Variants in RASGRF2 observed in about 807,000 individuals in gnomAD.
The protein encoded by RASGRF2 is ras-specific guanine nucleotide-releasing factor 2.
Under a neutral mutation model 151.0 loss-of-function variants are expected in RASGRF2, and 76 were observed. The observed-to-expected ratio is 0.50, with a 90% CI of 0.42 to 0.61. The LOEUF (loss-of-function observed/expected upper bound fraction) is 0.61, where lower values mean the gene tolerates loss of function less well. Ranked by LOEUF, RASGRF2 falls within the 20% of genes least tolerant of loss-of-function variation. The pLI, the probability that RASGRF2 is intolerant of heterozygous loss-of-function variation, is 0.00. For missense variants in RASGRF2, 1,148 were observed against 1,564.6 expected (o/e 0.73, Z 4.49); for synonymous variants, 504 against 566.5 (o/e 0.89, Z 1.57).
chr5:81,205,361 C>T (rs765324006), intron 19 of RASGRF2, among the ~76,000 whole-genome samples: 2 of 152,198 alleles, frequency 1.3e-5, no homozygotes, highest in African/African-American at 4.8e-5. Flanking sequence ...CCCTGAGCAA[C>T]TTAGTCAGTG....
chr5:81,061,704 C>T (rs940030976), intron 2 of RASGRF2, among the ~76,000 whole-genome samples: 4 of 151,522 alleles, frequency 2.6e-5, no homozygotes, highest in African/African-American at 9.7e-5. Context: ...TCCTTCCTTT[C>T]TGAGATAGGG....
chr5:81,195,572 A>G (rs1755245804), intron 18 of RASGRF2, among the ~76,000 whole-genome samples: 1 of 122,594 alleles, frequency 8.2e-6, no homozygotes, highest in Non-Finnish European at 1.7e-5. Context: ...TTTTTTTGTG[A>G]CCTTTTTTTT....
chr5:81,196,249 C>G (rs750998584), intron 18 of RASGRF2, among the ~76,000 whole-genome samples: 1 of 152,176 alleles, frequency 6.6e-6, no homozygotes, highest in East Asian at 1.9e-4. Flanking sequence ...GAGTGAAACT[C>G]TGTCTCAAAA....
In RASGRF2 at chr5:81,091,552, G is replaced by A. The variant is rs185163766; in HGVS notation, c.1391-1249G>A. The stretch of plus-strand genomic sequence containing the variant: ...ATAGACAGTGTGAGATCCAGGCGTG[G>A]AAACTTGGGTCTCTTGCCACCCTGT... On this transcript the variant is annotated intron_variant, in intron 9 of 26. Transcript: ENST00000265080. Among the ~76,000 whole-genome samples, 18 of 152,260 alleles carry A rather than the reference G, an allele frequency of 1.2e-4. No homozygotes were observed. In the East Asian group the frequency reaches 3.5e-3, roughly 29 times the overall value.
At position 81,122,912 on chromosome 5, in the gene RASGRF2, C is replaced by T. The variant is rs1753347581; in HGVS notation, c.2471-730C>T. On this transcript the variant is annotated intron_variant, in intron 15 of 26. Coordinates refer to ENST00000265080, the MANE Select transcript of RASGRF2 (RefSeq NM_006909.3). Reference sequence around the variant, plus strand: ...AGAAGCTCAAATGACCTTAAACCCTCCCAATGGTTCATTTAAAAGATTTTC... The same window carrying T: ...AGAAGCTCAAATGACCTTAAACCCTTCCAATGGTTCATTTAAAAGATTTTC... Among the ~76,000 whole-genome samples, 5 of 152,106 alleles carry T rather than the reference C, an allele frequency of 3.3e-5. No individual in the cohort carries two copies. The South Asian group carries it at 1.0e-3, about 32-fold the overall frequency.
At chr5:81,060,275 G>A (rs146958109) in intron 2 of RASGRF2, among the ~76,000 whole-genome samples, 1 of 152,248 alleles carries the variant, frequency 6.6e-6, no homozygotes, top group African/African-American at 2.4e-5. Flanking sequence ...TCACCACTTT[G>A]TCATTCCCTA....
intron 14 of RASGRF2, chr5:81,113,313 T>C: frequency 1.7e-6 from 1 of 601,206 alleles, no homozygotes; most frequent in Non-Finnish European, 2.9e-6. Flanking sequence ...AATGCTGCTG[T>C]TTGGACCACA....
chr5:80,985,960 TTTTA>T (rs1042143824), intron 1 of RASGRF2, among the ~76,000 whole-genome samples: 11 of 152,042 alleles, frequency 7.2e-5, no homozygotes, highest in African/African-American at 1.7e-4. Flanking sequence ...TGTGTAAGCG[TTTTA>T]TTTGTTTCCA....
chr5:81,095,129 A>C (rs901646417), intron 12 of RASGRF2, 137 bp downstream of exon 12: 1 of 564,990 alleles, frequency 1.8e-6, no homozygotes, highest in African/African-American at 1.9e-5. Flanking sequence ...ATCACTATGT[A>C]TCTTGATAAG....
chr5:81,045,846 C>A (rs1205101263), intron 2 of RASGRF2, among the ~76,000 whole-genome samples: 1 of 152,106 alleles, frequency 6.6e-6, no homozygotes, highest in African/African-American at 2.4e-5. Flanking sequence ...CTGCAAAATT[C>A]ACCTTGATTT....
At chr5:81,201,179 G>A (rs796078261) in intron 18 of RASGRF2, 151 bp from the exon 19 acceptor site, 24 of 1,264,060 alleles carry the variant, frequency 1.9e-5, no homozygotes, top group African/African-American at 6.1e-5. Context: ...CAATTAAATC[G>A]GGACCCTAGG....
At chr5:81,164,860 G>A (rs1311582090) in intron 17 of RASGRF2, among the ~76,000 whole-genome samples, 1 of 152,210 alleles carries the variant, frequency 6.6e-6, no homozygotes, top group Non-Finnish European at 1.5e-5. Flanking sequence ...AGGCGGGGCA[G>A]AAGAGGAACT....
intron 18 of RASGRF2, among the ~76,000 whole-genome samples, chr5:81,189,682 A>G (rs2112691869): frequency 7.0e-6 from 1 of 142,678 alleles, no homozygotes; most frequent in Non-Finnish European, 1.5e-5. Flanking sequence ...TACAATCACC[A>G]TGTCAGAGGA....
intron 23 of RASGRF2, among the ~76,000 whole-genome samples, chr5:81,214,908 T>C (rs1755701139): frequency 1.3e-5 from 2 of 152,214 alleles, no homozygotes; most frequent in Admixed American, 1.3e-4. Flanking sequence ...ATGAAGAAGA[T>C]CACAAAAGAA....
At chr5:80,986,534 C>T (rs542776114) in intron 1 of RASGRF2, among the ~76,000 whole-genome samples, 2 of 152,282 alleles carry the variant, frequency 1.3e-5, no homozygotes, top group Admixed American at 6.5e-5. Flanking sequence ...AGGAGAGGGG[C>T]ATTCTGTATG....
At chr5:81,008,139 CTTTTTTTTTTTT>C (rs58105434) in intron 1 of RASGRF2, among the ~76,000 whole-genome samples, 43 of 85,410 alleles carry the variant, frequency 5.0e-4, no homozygotes, top group East Asian at 1.8e-3. Context: ...TCTTTCTTTC[CTTTTTTTTTTTT>C]TTTTTTTTTT....
At chr5:81,030,828 A>G (rs1271486327) in intron 1 of RASGRF2, among the ~76,000 whole-genome samples, 1 of 152,234 alleles carries the variant, frequency 6.6e-6, no homozygotes, top group Non-Finnish European at 1.5e-5. Flanking sequence ...AATGGGCTAA[A>G]TGCTCCAATT....
At chr5:81,168,292 G>A (rs1449601020) in intron 17 of RASGRF2, among the ~76,000 whole-genome samples, 3 of 139,476 alleles carry the variant, frequency 2.2e-5, no homozygotes, top group South Asian at 2.3e-4. Context: ...GCATGCCAGC[G>A]TCTTTTTTTT....
chr5:80,971,206 C>T (rs1747920254), intron 1 of RASGRF2, among the ~76,000 whole-genome samples: 1 of 152,310 alleles, frequency 6.6e-6, no homozygotes, highest in African/African-American at 2.4e-5. Context: ...ATCAGCCCTC[C>T]AGAGCTAACC....
Sources: allele counts gnomAD v4.1 joint callset (sites outside exome capture counted in the v4.1 genomes callset), GRCh38; gene constraint gnomAD v4.1.1; transcripts MANE v1.5; gene names NCBI Gene and HGNC (gene_info 2026-07-23, HGNC 2026-07-21).